The following KMT2A variants were observed in gnomAD, a reference collection of about 807,000 sequenced individuals.
KMT2A encodes the protein histone-lysine N-methyltransferase 2A.
A neutral mutation model predicts 345.3 loss-of-function variants in KMT2A; 16 were observed. The observed-to-expected ratio is 0.05, with a 90% confidence interval of 0.03 to 0.07. The LOEUF is 0.07. Ranked by LOEUF, KMT2A falls within the 10% of genes least tolerant of loss-of-function variation. The pLI is 1.00. For missense variants in KMT2A, 3,272 were observed against 4,841.6 expected, an observed-to-expected ratio of 0.68 and a Z score of 9.62; for synonymous variants, 1,599 against 1,778.6, an observed-to-expected ratio of 0.90 and a Z score of 2.54.
intron 1 of KMT2A, among the ~76,000 whole-genome samples, chr11:118,452,165 C>A (rs971051443): frequency 7.9e-5 from 12 of 152,130 alleles, no homozygotes; most frequent in African/African-American, 2.9e-4. Context: ...CCTCAGCCTC[C>A]AAAATAGCTG....
In KMT2A at chr11:118,482,055, T is replaced by C. The variant is rs1036766225; in HGVS notation, c.3975T>C (p.Ser1325=). Residue 1325 remains serine, a synonymous_variant, in exon 7 of 36, where the codon AGT becomes AGC. Coordinates refer to ENST00000534358, the MANE Select transcript of KMT2A (RefSeq NM_001197104.2). ...PRKEVPKTTP[S]EPKKKQPPPP... is the part of the protein sequence containing the mutation. Reference sequence around the variant, plus strand: ...AAGAAGTTCCCAAAACCACTCCTAGTGAGCCCAAGAAAAAGCAGCCTCCAC... The same window carrying C: ...AAGAAGTTCCCAAAACCACTCCTAGCGAGCCCAAGAAAAAGCAGCCTCCAC... 2 of 1,612,162 alleles carry C rather than the reference T, an allele frequency of 1.2e-6. No individual in the cohort carries two copies. Among genetic ancestry groups the C allele is most frequent in the Non-Finnish European group, 1.7e-6 (2 of 1,179,384 alleles).
chr11:118,449,811 G>A (rs1160044832), intron 1 of KMT2A: 5 of 152,104 alleles, frequency 3.3e-5, no homozygotes, highest in African/African-American at 1.2e-4. Context: ...CATCTTCCCA[G>A]AAGGAAAGAT....
At position 118,474,312 on chromosome 11, in the gene KMT2A, A is replaced by G; in HGVS notation, c.3153A>G (p.Ala1051=). ...TTAAACAAACCGACCAGCCCAAAGC[A>G]CAGGTACTCTTTTCCACCTTGCCTA... The part of the protein sequence containing the change: ...KSLKQTDQPK[A]QGQESDSSET... The change falls in exon 3 of 36, where the codon GCA becomes GCG. Residue 1051 remains alanine, a synonymous_variant. Coordinates refer to ENST00000534358, the MANE Select transcript of KMT2A (RefSeq NM_001197104.2). The G allele has an allele frequency of 6.2e-7, 1 of 1,612,508 alleles. No homozygotes were observed. The highest frequency in any genetic ancestry group is 8.5e-7 in the Non-Finnish European group (1 of 1,179,402).
In KMT2A at chr11:118,436,614, C is replaced by T; in HGVS notation, c.102C>T (p.Arg34=). ...GCCTAGGGGGCGCCCCGCGGCAACG[C>T]GTCCCGGCCCTGCTGCTTCCCCCCG... ...RRGLGGAPRQ[R]VPALLLPPGP... is the part of the protein sequence containing the mutation. The change falls in exon 1 of 36, where the codon CGC becomes CGT. Residue 34 remains arginine, a synonymous_variant. Transcript: ENST00000534358. The surrounding 1 kb of genome is among the most constrained non-coding windows in gnomAD (Gnocchi z 6.9). 8.6e-7 allele frequency: 1 copy of T among 1,158,304 alleles called. No homozygotes were observed. Among genetic ancestry groups the T allele is most frequent in the Non-Finnish European group, 1.1e-6 (1 of 936,464 alleles). 71.8% of individuals were successfully genotyped at this position (1,158,304 alleles called of 1,614,324 possible).
Position 118,491,673 on chromosome 11 carries a change from G to T in KMT2A, c.4820-71G>T. On this transcript the variant is annotated intron_variant, in intron 14 of 35. Transcript: ENST00000534358. The surrounding 1 kb of genome is among the most constrained non-coding windows in gnomAD (Gnocchi z 4.2). ...ATATGGCTTTATAGTAAGTTCAGTGGAATAGTTTCCTCTTCTTCCTCTCTC... is the reference window on the plus strand; with the variant it reads ...ATATGGCTTTATAGTAAGTTCAGTGTAATAGTTTCCTCTTCTTCCTCTCTC... 10 of 1,206,976 alleles carry T rather than the reference G, an allele frequency of 8.3e-6. No homozygotes were observed. Among genetic ancestry groups the T allele is most frequent in the Non-Finnish European group, 1.2e-5 (10 of 855,732 alleles). 74.8% of individuals were successfully genotyped at this position (1,206,976 alleles called of 1,614,324 possible).
At chr11:118,457,732 C>A (rs1464397198) in intron 1 of KMT2A, among the ~76,000 whole-genome samples, 1 of 151,800 alleles carries the variant, frequency 6.6e-6, no homozygotes, top group Non-Finnish European at 1.5e-5. Flanking sequence ...CCCCCACCCC[C>A]CACCAGCTTT....
At chr11:118,452,316 G>A (rs998190379) in intron 1 of KMT2A, among the ~76,000 whole-genome samples, 9 of 152,098 alleles carry the variant, frequency 5.9e-5, no homozygotes, top group Admixed American at 4.6e-4. Context: ...AGGAAGGACC[G>A]CATGAGCTCA....
chr11:118,501,623 A>G, intron 25 of KMT2A, 49 bp from the exon 26 acceptor site: 1 of 1,485,656 alleles, frequency 6.7e-7, no homozygotes, highest in East Asian at 2.3e-5. Context: ...AATTTGTTTG[A>G]TATTTTAATT....
Position 118,468,829 on chromosome 11 carries a change from A to C in KMT2A, c.487A>C (p.Thr163Pro). ...SDEEVRVRSP[T>P]RSPSVKTSPR... ...TGAAGAAGTCAGAGTGCGAAGTCCCACAAGGTCTCCTTCAGGTACGGCCAA... is the reference window on the plus strand; with the variant it reads ...TGAAGAAGTCAGAGTGCGAAGTCCCCCAAGGTCTCCTTCAGGTACGGCCAA... The change falls in exon 2 of 36, where the codon ACA (threonine) becomes CCA (proline). Residue 163 changes from threonine (T) to proline (P), a missense_variant. Physicochemically the swap from Thr to Pro is conservative, Grantham distance 38. Coordinates refer to ENST00000534358, the MANE Select transcript of KMT2A (RefSeq NM_001197104.2). 6.2e-7 allele frequency: 1 copy of C among 1,613,264 alleles called. No individual in the cohort carries two copies. Among genetic ancestry groups the C allele is most frequent in the Non-Finnish European group, 8.5e-7 (1 of 1,179,370 alleles).
At position 118,524,254 on chromosome 11, in the gene KMT2A, C is replaced by T. The variant is rs533517533; in HGVS notation, c.*2082C>T. The T allele has an allele frequency of 7.5e-4, 138 of 184,238 alleles. No individual in the cohort carries two copies. The highest frequency in any genetic ancestry group is 2.9e-3 in the African/African-American group (123 of 42,690). The allele number at this position is 184,238 out of a possible 1,614,324, so 11.4% of individuals were successfully genotyped here. Reference sequence around the variant, plus strand: ...AGCAGATTTTTCTCTGCCTCTGCCACAAGGTTTCAGAGTAGTGTAGTCCAA... The same window carrying T: ...AGCAGATTTTTCTCTGCCTCTGCCATAAGGTTTCAGAGTAGTGTAGTCCAA... On this transcript the variant is annotated 3_prime_UTR_variant, in exon 36 of 36. Transcript: ENST00000534358.
At chr11:118,483,855 C>T (rs1950184905) in intron 8 of KMT2A, among the ~76,000 whole-genome samples, 1 of 152,056 alleles carries the variant, frequency 6.6e-6, no homozygotes, top group Non-Finnish European at 1.5e-5. Context: ...AGCACAGTGA[C>T]ACACAGTTGC....
At chr11:118,477,371 A>G (rs1950055344) in intron 4 of KMT2A, among the ~76,000 whole-genome samples, 1 of 152,130 alleles carries the variant, frequency 6.6e-6, no homozygotes, top group Non-Finnish European at 1.5e-5. Context: ...AGTGCAGAGT[A>G]GCCACTCAGA....
rs11443977 is a variant in KMT2A at position 118,519,077 on chromosome 11, CAAAAAAA to C, written c.11147-525_11147-519del. Reference sequence around the variant, plus strand: ...TGGGTGGCAGAGTGAGACTCCATCTCAAAAAAAAAAAAAAAAAAAAAAGAAAATTAAA... The same window carrying C: ...TGGGTGGCAGAGTGAGACTCCATCTCAAAAAAAAAAAAAAAGAAAATTAAA... On this transcript the variant is annotated intron_variant, in intron 31 of 35. Coordinates refer to ENST00000534358, the MANE Select transcript of KMT2A (RefSeq NM_001197104.2). Among the ~76,000 whole-genome samples, 9 of 66,452 alleles carry C rather than the reference CAAAAAAA, an allele frequency of 1.4e-4. No individual in the cohort carries two copies. In the East Asian group the frequency reaches 2.3e-3, roughly 17 times the overall value. The allele number at this position is 66,452 out of a possible 152,430, so 43.6% of individuals were successfully genotyped here.
rs782165681 is a variant in KMT2A, at chr11:118,502,530, T to C, written c.6638T>C (p.Met2213Thr). 3.7e-6 allele frequency: 6 copies of C among 1,614,024 alleles called. No homozygotes were observed. In the African/African-American group the frequency reaches 4.0e-5, roughly 11 times the overall value. ...CCCCAGCGGTCCAAACTCCGGATAA[T>C]GTCTCCAATGAGAACTGGGAATACT... is the stretch of plus-strand genomic sequence containing the variant. ...LSPQRSKLRI[M>T]SPMRTGNTYS... Residue 2213 changes from methionine to threonine, a missense_variant, in exon 27 of 36, where the codon ATG becomes ACG. Around this residue, in one of 27 missense-constraint regions of KMT2A, gnomAD observed 445 missense variants for 500.9 expected, o/e 0.89. Coordinates refer to ENST00000534358, the MANE Select transcript of KMT2A (RefSeq NM_001197104.2). The surrounding 1 kb of genome is among the most constrained non-coding windows in gnomAD (Gnocchi z 4.9).
In KMT2A at chr11:118,505,055, G is replaced by C; in HGVS notation, c.9163G>C (p.Asp3055His). 1 of 1,614,096 alleles carries C rather than the reference G, an allele frequency of 6.2e-7. No individual in the cohort carries two copies. Among genetic ancestry groups the C allele is most frequent in the African/African-American group, 1.3e-5 (1 of 75,006 alleles). ...CCAGAAGTATGTGCCCAATTCTACT[G>C]ATAGTCCTGGCCCGTCTCAGATTTC... ...QNQKYVPNST[D>H]SPGPSQISNA... Residue 3055 changes from aspartate to histidine, a missense_variant, in exon 27 of 36, where the codon GAT (aspartate) becomes CAT (histidine). By Grantham distance (81) the Asp-to-His change is moderately conservative. This residue lies in a region of KMT2A where 748 missense variants were observed against 922.2 expected (regional missense o/e 0.81). Transcript: ENST00000534358. This position sits in a 1 kb window ranked among gnomAD's most constrained non-coding sequence, Gnocchi z 4.6.
rs1365747318 is a variant in KMT2A at position 118,471,985 on chromosome 11, G to A, written c.826G>A (p.Gly276Ser). 35 of 1,613,880 alleles carry A rather than the reference G, an allele frequency of 2.2e-5. No homozygotes were observed. Among genetic ancestry groups the A allele is most frequent in the Non-Finnish European group, 2.9e-5 (34 of 1,180,008 alleles). Residue 276 changes from glycine (G) to serine (S), a missense_variant, in exon 3 of 36, where the codon GGT (glycine) becomes AGT (serine). Transcript: ENST00000534358. ...QATKIKKLRA[G>S]KLSPLKSKFK... is the part of the protein sequence containing the mutation. Reference sequence around the variant, plus strand: ...CACAAAGATTAAAAAATTAAGAGCAGGTAAACTCTCTCCTCTCAAGTCTAA... The same window carrying A: ...CACAAAGATTAAAAAATTAAGAGCAAGTAAACTCTCTCCTCTCAAGTCTAA...
intron 1 of KMT2A, chr11:118,450,740 A>T (rs1949519486): frequency 1.3e-5 from 2 of 152,206 alleles, no homozygotes; most frequent in South Asian, 4.1e-4. Flanking sequence ...TGTTCTCTTG[A>T]TGCACCAATA....
At position 118,504,972 on chromosome 11, in the gene KMT2A, G is replaced by C; in HGVS notation, c.9080G>C (p.Arg3027Thr). ...QGHGNNQDLT[R>T]NSSTPGLQVP... ...CATGGCAACAATCAGGATTTAACTA[G>C]GAACAGTAGCACCCCTGGCCTTCAG... is the stretch of plus-strand genomic sequence containing the variant. Residue 3027 changes from arginine to threonine, a missense_variant, in exon 27 of 36, where the codon AGG becomes ACG. Around this residue, in one of 27 missense-constraint regions of KMT2A, gnomAD observed 748 missense variants for 922.2 expected, o/e 0.81. Coordinates refer to ENST00000534358, the MANE Select transcript of KMT2A (RefSeq NM_001197104.2). This position sits in a 1 kb window ranked among gnomAD's most constrained non-coding sequence, Gnocchi z 6.4. 6.2e-7 allele frequency: 1 copy of C among 1,614,162 alleles called. No homozygotes were observed. The highest frequency in any genetic ancestry group is 1.1e-5 in the South Asian group (1 of 91,082).
chr11:118,464,380 A>G (rs1949802432), intron 1 of KMT2A, among the ~76,000 whole-genome samples: 1 of 152,160 alleles, frequency 6.6e-6, no homozygotes, highest in Admixed American at 6.5e-5. Flanking sequence ...CACTAAAAAT[A>G]CAAAAATAAC....
Sources: gnomAD v4.1 joint callset for allele counts (sites outside exome capture counted in the v4.1 genomes callset) on GRCh38, gnomAD v4.1.1 for gene constraint, gnomAD v4.1.1 regional missense constraint, Gnocchi (gnomAD v3.1) non-coding constraint, MANE v1.5 for transcripts, NCBI Gene and HGNC (gene_info 2026-07-23, HGNC 2026-07-21) for gene names.